ADAMTSL3: variants seen among roughly 807,000 people sequenced by gnomAD.
The protein encoded by ADAMTSL3 is ADAMTS like 3.
A neutral mutation model predicts 201.7 loss-of-function variants in ADAMTSL3; 128 were observed. The observed-to-expected ratio is 0.63, with a 90% CI of 0.55 to 0.73. The LOEUF (loss-of-function observed/expected upper bound fraction) is 0.73. Ranked by LOEUF, ADAMTSL3 falls within the 30% of genes least tolerant of loss-of-function variation. ADAMTSL3 has a pLI of 0.00. For synonymous variants in ADAMTSL3, 738 were observed against 748.4 expected, an observed-to-expected ratio of 0.99 and a Z score of 0.23; for missense variants, 1,990 against 2,119.6, an observed-to-expected ratio of 0.94 and a Z score of 1.20.
chr15:84,022,471 G>T (rs1380614911), intron 26 of ADAMTSL3, among the ~76,000 whole-genome samples: 1 of 152,216 alleles, frequency 6.6e-6, no homozygotes, highest in East Asian at 1.9e-4. Flanking sequence ...GAGGTTCTCA[G>T]TAAATATATC....
In ADAMTSL3 at chr15:83,819,902, C is replaced by T; in HGVS notation, c.455C>T (p.Pro152Leu). Reference protein sequence around the residue: ...QYQGHYYEWLPRYNDPAAPCA... With the variant: ...QYQGHYYEWLLRYNDPAAPCA... ...CAGGGGCATTACTATGAATGGCTTC[C>T]ACGATATAATGATCCTGCTGCCCCG... The change falls in exon 6 of 30, where the codon CCA (proline) becomes CTA (leucine). Residue 152 changes from proline (P) to leucine (L), a missense_variant. Pro to Leu is a moderately conservative substitution (Grantham distance 98, BLOSUM62 -3). Coordinates refer to ENST00000286744, the MANE Select transcript of ADAMTSL3 (RefSeq NM_207517.3). 6.2e-7 allele frequency: 1 copy of T among 1,614,082 alleles called. No homozygotes were observed.
intron 3 of ADAMTSL3, among the ~76,000 whole-genome samples, chr15:83,771,743 A>T (rs1279885715): frequency 1.3e-5 from 2 of 152,238 alleles, no homozygotes; most frequent in Non-Finnish European, 2.9e-5. Flanking sequence ...GAGTGTGCAG[A>T]TATCTCTTTG....
chr15:83,983,059 A>C lies in ADAMTSL3; in HGVS notation c.3431A>C (p.Glu1144Ala). 6.2e-7 allele frequency: 1 copy of C among 1,614,152 alleles called. No individual in the cohort carries two copies. The change falls in exon 21 of 30, where the codon GAG becomes GCG. Residue 1144 changes from glutamate (E) to alanine (A), a missense_variant. By Grantham distance (107) the Glu-to-Ala change is moderately radical. Transcript: ENST00000286744. ...ATGCAGTGGCGGGGCATCCAGGAAG[A>C]GACACCTCCTGCTGCTCAGCTCAGA... ...THMQWRGIQE[E>A]TPPAAQLRGE...
intron 2 of ADAMTSL3, among the ~76,000 whole-genome samples, chr15:83,658,425 T>A (rs74024526): frequency 6.6e-6 from 1 of 152,196 alleles, no homozygotes; most frequent in Non-Finnish European, 1.5e-5. Flanking sequence ...ATATTTTCTT[T>A]ATTGAATCAG....
At chr15:83,655,227 A>ACGGTGTC in intron 1 of ADAMTSL3, among the ~76,000 whole-genome samples, 1 of 152,302 alleles carries the variant, frequency 6.6e-6, no homozygotes, top group East Asian at 1.9e-4. Context: ...TCGAGGGCGC[A>ACGGTGTC]CGGTGTCATC....
At chr15:83,992,591 T>C (rs189310760) in intron 23 of ADAMTSL3, among the ~76,000 whole-genome samples, 2 of 152,358 alleles carry the variant, frequency 1.3e-5, no homozygotes, top group East Asian at 3.9e-4. Context: ...ATCTGACTTC[T>C]ATTAAGAGAA....
intron 7 of ADAMTSL3, among the ~76,000 whole-genome samples, chr15:83,855,299 A>G (rs994678439): frequency 4.6e-5 from 7 of 152,202 alleles, no homozygotes; most frequent in African/African-American, 1.7e-4. Context: ...TGGACATCTC[A>G]TTCCCAGCTT....
At chr15:83,973,805 A>C (rs2067236416) in intron 20 of ADAMTSL3, among the ~76,000 whole-genome samples, 1 of 152,162 alleles carries the variant, frequency 6.6e-6, no homozygotes, top group Non-Finnish European at 1.5e-5. Flanking sequence ...TCCATTATGG[A>C]AGGGGGTCCG....
At chr15:83,684,910 G>C (rs1379716710) in intron 2 of ADAMTSL3, among the ~76,000 whole-genome samples, 1 of 152,112 alleles carries the variant, frequency 6.6e-6, no homozygotes, top group Admixed American at 6.5e-5. Context: ...AGGTTTACTA[G>C]CTTTTGGAAA....
intron 20 of ADAMTSL3, among the ~76,000 whole-genome samples, chr15:83,971,893 T>A (rs992752985): frequency 4.0e-5 from 6 of 148,310 alleles, no homozygotes; most frequent in African/African-American, 1.2e-4. Context: ...TATATGTCTT[T>A]TATATATATG....
At chr15:83,822,361 G>A (rs2063895049) in intron 6 of ADAMTSL3, among the ~76,000 whole-genome samples, 1 of 149,720 alleles carries the variant, frequency 6.7e-6, no homozygotes, top group Non-Finnish European at 1.5e-5. Context: ...TCTCAGACGG[G>A]GCGGCTGCCG....
Position 83,838,097 on chromosome 15 carries a change from C to T in ADAMTSL3, c.609C>T (p.Gly203=). 6.2e-7 allele frequency: 1 copy of T among 1,609,090 alleles called. No individual in the cohort carries two copies. The highest frequency in any genetic ancestry group is 8.5e-7 in the Non-Finnish European group (1 of 1,178,140). The change falls in exon 7 of 30, where the codon GGC becomes GGT. Residue 203 remains glycine (G), a synonymous_variant. Transcript: ENST00000286744. ...MCISGICQAV[G]CDRQLGSNAK... Reference sequence around the variant, plus strand: ...CATGCTTCTGTTGGCAGGCAGTGGGCTGCGATCGGCAACTGGGAAGCAATG... The same window carrying T: ...CATGCTTCTGTTGGCAGGCAGTGGGTTGCGATCGGCAACTGGGAAGCAATG...
At chr15:83,837,223 G>A (rs528353269) in intron 6 of ADAMTSL3, among the ~76,000 whole-genome samples, 3 of 151,532 alleles carry the variant, frequency 2.0e-5, no homozygotes, top group East Asian at 3.9e-4. Context: ...GAGATACATA[G>A]GCATAGGTAC....
chr15:83,799,044 T>G (rs1332532139), intron 4 of ADAMTSL3, among the ~76,000 whole-genome samples: 1 of 152,126 alleles, frequency 6.6e-6, no homozygotes, highest in Non-Finnish European at 1.5e-5. Context: ...TTGGAAGTAC[T>G]CTGAGATTTT....
At chr15:83,941,953 G>A (rs2066569475) in intron 17 of ADAMTSL3, among the ~76,000 whole-genome samples, 2 of 152,204 alleles carry the variant, frequency 1.3e-5, no homozygotes, top group Non-Finnish European at 1.5e-5. Context: ...GTGGTTAGGG[G>A]TGTGGGCAAC....
intron 2 of ADAMTSL3, among the ~76,000 whole-genome samples, chr15:83,673,263 G>T (rs1039819267): frequency 1.3e-5 from 2 of 152,208 alleles, no homozygotes; most frequent in Non-Finnish European, 2.9e-5. Flanking sequence ...GGGAGAGGGA[G>T]AGAAACCCAG....
At chr15:83,858,072 G>A (rs536922364) in intron 7 of ADAMTSL3, among the ~76,000 whole-genome samples, 1 of 152,224 alleles carries the variant, frequency 6.6e-6, no homozygotes, top group Non-Finnish European at 1.5e-5. Flanking sequence ...TCTGTGAAAA[G>A]TCAGATAGTA....
chr15:83,873,482 A>G (rs1266456158), intron 9 of ADAMTSL3, among the ~76,000 whole-genome samples: 1 of 144,390 alleles, frequency 6.9e-6, no homozygotes, highest in Non-Finnish European at 1.5e-5. Context: ...GGCTGCAAGT[A>G]ATCCTCTGGC....
Position 83,675,701 on chromosome 15 carries a change from G to A in ADAMTSL3, c.69+19871G>A, listed in dbSNP as rs138026145. ...GAGATTGGTGTTCTTTACATGTTTG[G>A]TATAATTCTCCAGTGAAACTTGGAT... On this transcript the variant is annotated intron_variant, in intron 2 of 29. Transcript: ENST00000286744. Among the ~76,000 whole-genome samples, 556 of 151,358 alleles carry A rather than the reference G, an allele frequency of 3.7e-3. 3 individuals carry two copies. The highest frequency in any genetic ancestry group is 0.012 in the African/African-American group (500 of 41,280).
Sources: allele counts gnomAD v4.1 joint callset (sites outside exome capture counted in the v4.1 genomes callset), GRCh38; gene constraint gnomAD v4.1.1; transcripts MANE v1.5; gene names NCBI Gene and HGNC (gene_info 2026-07-23, HGNC 2026-07-21).